The following NRXN1 variants were observed in gnomAD, a reference collection of about 807,000 sequenced individuals.
NRXN1 encodes neurexin 1.
In NRXN1, 39 loss-of-function variants were observed where a neutral mutation model predicts 150.9. The ratio of observed to expected loss-of-function variants is 0.26; its 90% CI spans 0.20 to 0.34. The LOEUF (loss-of-function observed/expected upper bound fraction) is 0.34. Ranked by LOEUF, NRXN1 falls within the 10% of genes least tolerant of loss-of-function variation. The probability of loss-of-function intolerance (pLI) is 1.00; values close to 1 mark genes in which losing one functional copy is unlikely to be tolerated. For missense variants in NRXN1, 1,815 were observed against 1,949.9 expected, an observed-to-expected ratio of 0.93 and a Z score of 1.30; for synonymous variants, 924 against 757.0, an observed-to-expected ratio of 1.22 and a Z score of -3.62.
In NRXN1 at chr2:50,992,285, A is replaced by G. The variant is rs187844344; in HGVS notation, c.772+35217T>C. Among the ~76,000 whole-genome samples, 110 of 152,176 alleles carry G rather than the reference A, an allele frequency of 7.2e-4. 1 individual carries two copies. The highest frequency in any genetic ancestry group is 2.6e-3 in the African/African-American group (106 of 41,564). On this transcript the variant is annotated intron_variant, in intron 2 of 22. Transcript: ENST00000401669. ...ATGAGCATTACCCACATTTTATAGA[A>G]GACAAACTGAGGATTATAGAAGTTA...
At position 50,922,013 on chromosome 2, in the gene NRXN1, G is replaced by A. The variant is rs548694117; in HGVS notation, c.821-133C>T. The A allele has an allele frequency of 5.4e-5, 25 of 461,400 alleles. No individual in the cohort carries two copies. In the South Asian group the frequency reaches 1.7e-3, roughly 31 times the overall value. 28.6% of individuals were successfully genotyped at this position (461,400 alleles called of 1,614,324 possible). A position where few individuals can be genotyped will look rare whatever the true frequency, so the allele number is the denominator to read the frequency against. On this transcript the variant is annotated intron_variant, in intron 4 of 22. Coordinates refer to ENST00000401669, the MANE Select transcript of NRXN1 (RefSeq NM_001330078.2). ...TCTGAAAATTAAACAAGACATGAAA[G>A]TATAAACAAGGTTTTGAAGACAAAT...
intron 18 of NRXN1, among the ~76,000 whole-genome samples, chr2:50,106,183 G>T (rs1399894838): frequency 6.7e-6 from 1 of 149,822 alleles, no homozygotes. Flanking sequence ...TATCTTAGTT[G>T]TTTGAAATCA....
intron 17 of NRXN1, among the ~76,000 whole-genome samples, chr2:50,393,082 G>A (rs1484235702): frequency 2.6e-5 from 4 of 151,750 alleles, no homozygotes; most frequent in Admixed American, 2.6e-4. Flanking sequence ...CAAATCAACA[G>A]GTGCCATCTC....
At chr2:50,952,756 A>G (rs922244017) in intron 2 of NRXN1, among the ~76,000 whole-genome samples, 21 of 152,254 alleles carry the variant, frequency 1.4e-4, no homozygotes, top group African/African-American at 4.8e-4. Flanking sequence ...TCTGCAGTCT[A>G]GCTGCTGTTT....
At chr2:50,723,559 A>G (rs1417912215) in intron 5 of NRXN1, among the ~76,000 whole-genome samples, 1 of 152,222 alleles carries the variant, frequency 6.6e-6, no homozygotes, top group Non-Finnish European at 1.5e-5. Flanking sequence ...GAAGGCTTTC[A>G]ATGCCTCTGG....
At chr2:49,928,554 A>T (rs533358835) in intron 22 of NRXN1, among the ~76,000 whole-genome samples, 1 of 152,270 alleles carries the variant, frequency 6.6e-6, no homozygotes, top group Admixed American at 6.5e-5. Context: ...TACTGTGAAA[A>T]GAAAATTGGA....
intron 12 of NRXN1, among the ~76,000 whole-genome samples, chr2:50,514,009 A>G (rs952536977): frequency 5.3e-5 from 8 of 152,166 alleles, no homozygotes; most frequent in African/African-American, 1.7e-4. Context: ...GTATATATAT[A>G]CTCTGGTACA....
intron 17 of NRXN1, among the ~76,000 whole-genome samples, chr2:50,380,360 A>C (rs2080867572): frequency 6.6e-6 from 1 of 151,970 alleles, no homozygotes. Flanking sequence ...ATACTATATA[A>C]CATATCATGA....
intron 5 of NRXN1, among the ~76,000 whole-genome samples, chr2:50,880,177 C>G (rs1248418119): frequency 6.6e-6 from 1 of 151,768 alleles, no homozygotes; most frequent in East Asian, 2.0e-4. Context: ...GTGAAGTTAT[C>G]CCCAAGAGAA....
intron 13 of NRXN1, among the ~76,000 whole-genome samples, chr2:50,505,033 C>T (rs1300669535): frequency 6.6e-6 from 1 of 152,106 alleles, no homozygotes; most frequent in Non-Finnish European, 1.5e-5. Flanking sequence ...TCAAGTCAAC[C>T]ATTCAGTAGT....
chr2:50,831,859 C>A (rs1404270184), intron 5 of NRXN1, among the ~76,000 whole-genome samples: 1 of 152,156 alleles, frequency 6.6e-6, no homozygotes, highest in African/African-American at 2.4e-5. Flanking sequence ...TCTTTTGTGT[C>A]TGTTCATGTG....
chr2:50,825,648 T>C (rs1670346712), intron 5 of NRXN1, among the ~76,000 whole-genome samples: 1 of 152,218 alleles, frequency 6.6e-6, no homozygotes, highest in Admixed American at 6.5e-5. Flanking sequence ...TTCTTTATAA[T>C]AATCAAGCCA....
chr2:50,538,500 C>A lies in NRXN1; in HGVS notation c.1896G>T (p.Trp632Cys), dbSNP rs1204725488. 6.2e-7 allele frequency: 1 copy of A among 1,610,660 alleles called. No homozygotes were observed. The highest frequency in any genetic ancestry group is 8.5e-7 in the Non-Finnish European group (1 of 1,177,280). The change falls in exon 10 of 23, where the codon TGG (tryptophan) becomes TGT (cysteine). Residue 632 changes from tryptophan to cysteine, a missense_variant. Physicochemically the swap from Trp to Cys is radical, Grantham distance 215 (BLOSUM62 -2). Coordinates refer to ENST00000401669, the MANE Select transcript of NRXN1 (RefSeq NM_001330078.2). ...CGTAGCCATAGTTGAGCAGAGCAGT[C>A]CACACCTCGGTGGGGAAGACAAGGC... Reference protein sequence around the residue: ...KAGLVFPTEVWTALLNYGYVG... With the variant: ...KAGLVFPTEVCTALLNYGYVG...
chr2:50,380,840 C>A (rs1482726079), intron 17 of NRXN1, among the ~76,000 whole-genome samples: 2 of 152,126 alleles, frequency 1.3e-5, no homozygotes, highest in Admixed American at 1.3e-4. Flanking sequence ...TGAATTTCTA[C>A]TTATGCCATA....
chr2:50,068,835 A>G (rs1169836894), intron 19 of NRXN1, among the ~76,000 whole-genome samples: 3 of 152,210 alleles, frequency 2.0e-5, no homozygotes, highest in African/African-American at 7.2e-5. Flanking sequence ...AAATAAATCT[A>G]TTATCTTTCC....
At chr2:50,340,845 G>C (rs936103249) in intron 17 of NRXN1, among the ~76,000 whole-genome samples, 1 of 152,112 alleles carries the variant, frequency 6.6e-6, no homozygotes, top group Non-Finnish European at 1.5e-5. Context: ...TTCTTTAAAA[G>C]AGGCACACAC....
chr2:50,412,464 G>T (rs571049371), intron 17 of NRXN1, among the ~76,000 whole-genome samples: 2 of 152,084 alleles, frequency 1.3e-5, no homozygotes, highest in South Asian at 2.1e-4. Context: ...TAATGATTCT[G>T]CAAGAACTCT....
intron 17 of NRXN1, among the ~76,000 whole-genome samples, chr2:50,252,473 G>A (rs1343980909): frequency 6.6e-6 from 1 of 151,636 alleles, no homozygotes; most frequent in Non-Finnish European, 1.5e-5. Flanking sequence ...TAGCCAGGCT[G>A]GTCTCAAACT....
chr2:50,522,162 C>T lies in NRXN1; in HGVS notation c.2374+6463G>A, dbSNP rs1372705874. Among the ~76,000 whole-genome samples the T allele has an allele frequency of 2.0e-5, 3 of 152,076 alleles. No homozygotes were observed. The East Asian group carries it at 5.8e-4, about 29-fold the overall frequency. On this transcript the variant is annotated intron_variant, in intron 12 of 22. Transcript: ENST00000401669. ...TAGAAGCAGCTCTTCATAACGACAA[C>T]AAATAAAAACATCTGGCCAACATGC... is the stretch of plus-strand genomic sequence containing the variant.
Sources: gnomAD v4.1 joint callset for allele counts (sites outside exome capture counted in the v4.1 genomes callset) on GRCh38, gnomAD v4.1.1 for gene constraint, MANE v1.5 for transcripts, NCBI Gene and HGNC (gene_info 2026-07-23, HGNC 2026-07-21) for gene names.